Variants in DCC observed in about 807,000 individuals in gnomAD.
The protein encoded by DCC is netrin receptor DCC.
Under a neutral mutation model 172.5 loss-of-function variants are expected in DCC, and 58 were observed. The observed-to-expected ratio is 0.34, with a 90% CI of 0.27 to 0.42. The LOEUF (loss-of-function observed/expected upper bound fraction) is 0.42. DCC is among the 10% of genes least tolerant of loss of function. The pLI is 1.00. For synonymous variants in DCC, 709 were observed against 644.5 expected, an observed-to-expected ratio of 1.10 and a Z score of -1.52; for missense variants, 1,740 against 1,791.0, an observed-to-expected ratio of 0.97 and a Z score of 0.51.
At chr18:53,479,387 G>C in intron 25 of DCC, among the ~76,000 whole-genome samples, 1 of 152,182 alleles carries the variant, frequency 6.6e-6, no homozygotes, top group East Asian at 1.9e-4. Flanking sequence ...TTTGTGCGAT[G>C]CCATGGCTCT....
At chr18:53,388,448 C>T (rs932123125) in intron 16 of DCC, among the ~76,000 whole-genome samples, 58 of 152,302 alleles carry the variant, frequency 3.8e-4, no homozygotes, top group African/African-American at 1.4e-3. Flanking sequence ...ATATCACAGG[C>T]AATAAAACCT....
At chr18:52,445,160 A>G (rs911361609) in intron 1 of DCC, among the ~76,000 whole-genome samples, 1 of 152,214 alleles carries the variant, frequency 6.6e-6, no homozygotes, top group South Asian at 2.1e-4. Flanking sequence ...AACTTAGTAC[A>G]ATTCCTAAAT....
At chr18:52,576,539 T>C (rs2033414224) in intron 1 of DCC, among the ~76,000 whole-genome samples, 1 of 152,128 alleles carries the variant, frequency 6.6e-6, no homozygotes, top group South Asian at 2.1e-4. Flanking sequence ...AAGAAAATAA[T>C]GTAGTTTCCG....
rs58112743 is a variant in DCC at position 52,515,606 on chromosome 18, CAAA to C, written c.91+174746_91+174748del. Among the ~76,000 whole-genome samples, 91 of 10,330 alleles carry C rather than the reference CAAA, an allele frequency of 8.8e-3. 12 individuals are homozygous for C. The highest frequency in any genetic ancestry group is 0.015 in the African/African-American group (71 of 4,596). 6.8% of individuals were successfully genotyped at this position (10,330 alleles called of 152,430 possible). On this transcript the variant is annotated intron_variant, in intron 1 of 28. Coordinates refer to ENST00000442544, the MANE Select transcript of DCC (RefSeq NM_005215.4). ...TGGGCGACAGAGCGAAACCCTGTCTCAAAAAAAAAAAAAAAAAAAATCATACAG... is the reference window on the plus strand; with the variant it reads ...TGGGCGACAGAGCGAAACCCTGTCTCAAAAAAAAAAAAAAAAATCATACAG...
At chr18:52,413,689 T>C (rs1190359209) in intron 1 of DCC, among the ~76,000 whole-genome samples, 1 of 152,138 alleles carries the variant, frequency 6.6e-6, no homozygotes, top group Non-Finnish European at 1.5e-5. Context: ...TTTTTAATCC[T>C]TTTCAAAGGG....
At chr18:53,098,414 T>A (rs1301806117) in intron 7 of DCC, among the ~76,000 whole-genome samples, 1 of 152,182 alleles carries the variant, frequency 6.6e-6, no homozygotes, top group Non-Finnish European at 1.5e-5. Context: ...TTTCTTTCAA[T>A]CTGTAACACT....
intron 1 of DCC, among the ~76,000 whole-genome samples, chr18:52,409,574 C>A (rs1037567471): frequency 1.3e-5 from 2 of 152,118 alleles, no homozygotes; most frequent in African/African-American, 4.8e-5. Flanking sequence ...AACTTACATG[C>A]CACTTGCTTG....
At chr18:52,639,771 A>C (rs2034853924) in intron 1 of DCC, among the ~76,000 whole-genome samples, 1 of 152,164 alleles carries the variant, frequency 6.6e-6, no homozygotes, top group Admixed American at 6.5e-5. Flanking sequence ...TCACACCAGA[A>C]TCCTACGAGA....
intron 2 of DCC, among the ~76,000 whole-genome samples, chr18:52,817,803 A>ATATATATGTG (rs375371359): frequency 0.037 from 5,630 of 151,406 alleles, 188 homozygotes; most frequent in South Asian, 0.16. Context: ...ATATATATAT[A>ATATATATGTG]TGTGTGTGTG....
At chr18:53,270,716 A>T (rs1176292882) in intron 12 of DCC, among the ~76,000 whole-genome samples, 3 of 152,106 alleles carry the variant, frequency 2.0e-5, no homozygotes, top group Non-Finnish European at 4.4e-5. Context: ...TTATCTTTTT[A>T]AAATTATGTT....
intron 1 of DCC, among the ~76,000 whole-genome samples, chr18:52,375,448 C>G (rs1985308013): frequency 6.6e-6 from 1 of 152,114 alleles, no homozygotes; most frequent in South Asian, 2.1e-4. Context: ...TTTGGAGACA[C>G]TAATCATATC....
intron 1 of DCC, among the ~76,000 whole-genome samples, chr18:52,680,116 G>T (rs1404383663): frequency 1.3e-5 from 2 of 152,098 alleles, no homozygotes; most frequent in African/African-American, 4.8e-5. Flanking sequence ...TTTTCTGGGT[G>T]CCCATTGGGT....
intron 1 of DCC, among the ~76,000 whole-genome samples, chr18:52,385,038 C>T (rs1407931459): frequency 6.6e-6 from 1 of 151,988 alleles, no homozygotes. Flanking sequence ...TTCTTGAGAA[C>T]CAGAAATTTT....
At chr18:52,706,370 G>A (rs1044752318) in intron 1 of DCC, among the ~76,000 whole-genome samples, 8 of 152,090 alleles carry the variant, frequency 5.3e-5, no homozygotes, top group Non-Finnish European at 1.5e-5. Context: ...GCTTGAAAAT[G>A]GTATTTATTA....
At chr18:53,096,593 T>C (rs2043091188) in intron 7 of DCC, among the ~76,000 whole-genome samples, 1 of 151,986 alleles carries the variant, frequency 6.6e-6, no homozygotes, top group Non-Finnish European at 1.5e-5. Flanking sequence ...CTAAGAAAAA[T>C]AAGGCAATTA....
intron 9 of DCC, among the ~76,000 whole-genome samples, chr18:53,194,123 G>T (rs1462409650): frequency 6.6e-6 from 1 of 152,116 alleles, no homozygotes; most frequent in Non-Finnish European, 1.5e-5. Context: ...GAAGACACCT[G>T]CCTCTGGTGC....
At chr18:52,536,339 G>A (rs1039366643) in intron 1 of DCC, among the ~76,000 whole-genome samples, 1 of 151,630 alleles carries the variant, frequency 6.6e-6, no homozygotes, top group African/African-American at 2.4e-5. Flanking sequence ...GCTGCGGACA[G>A]ATGGACTAAG....
At chr18:53,164,528 G>T (rs1263885824) in intron 8 of DCC, among the ~76,000 whole-genome samples, 2 of 152,168 alleles carry the variant, frequency 1.3e-5, no homozygotes, top group South Asian at 4.1e-4. Flanking sequence ...CTGTGGAATT[G>T]AACCACCTGG....
At chr18:53,091,558 C>T (rs1216049473) in intron 7 of DCC, among the ~76,000 whole-genome samples, 1 of 151,628 alleles carries the variant, frequency 6.6e-6, no homozygotes, top group Non-Finnish European at 1.5e-5. Flanking sequence ...GGTTGGGTTT[C>T]TGGTGAGGAC....
Sources: gnomAD v4.1 joint callset for allele counts (sites outside exome capture counted in the v4.1 genomes callset) on GRCh38, gnomAD v4.1.1 for gene constraint, MANE v1.5 for transcripts, NCBI Gene and HGNC (gene_info 2026-07-23, HGNC 2026-07-21) for gene names.